RFC1: variants seen among roughly 807,000 people sequenced by gnomAD.
The protein encoded by RFC1 is A1 140 kDa subunit.
Under a neutral mutation model 137.4 loss-of-function variants are expected in RFC1, and 37 were observed. The ratio of observed to expected loss-of-function variants is 0.27; its 90% confidence interval spans 0.21 to 0.35. RFC1 has a LOEUF of 0.35. RFC1 is among the 10% of genes least tolerant of loss of function. The pLI, the probability that RFC1 is intolerant of heterozygous loss-of-function variation, is 1.00. For missense variants in RFC1, 1,205 were observed against 1,358.5 expected, an observed-to-expected ratio of 0.89 and a Z score of 1.78; for synonymous variants, 429 against 455.7, an observed-to-expected ratio of 0.94 and a Z score of 0.75.
At chr4:39,339,458 C>T (rs534602212) in intron 4 of RFC1, among the ~76,000 whole-genome samples, 3 of 152,234 alleles carry the variant, frequency 2.0e-5, no homozygotes, top group African/African-American at 7.2e-5. Context: ...GGTGTTATCG[C>T]ACACTGGTTT....
intron 5 of RFC1, 128 bp from the exon 6 acceptor site, chr4:39,326,768 T>A: frequency 1.5e-6 from 1 of 670,108 alleles, no homozygotes; most frequent in Admixed American, 2.6e-5. Context: ...ACAGCTGCAA[T>A]GTACACCAGC....
At chr4:39,366,173 C>T (rs927660701) in intron 1 of RFC1, 66 bp downstream of exon 1, 1 of 1,521,670 alleles carries the variant, frequency 6.6e-7, no homozygotes, top group Non-Finnish European at 8.9e-7. Flanking sequence ...CAGGAGTGCC[C>T]GGTCCACACC....
chr4:39,340,207 C>G (rs1740546225), intron 4 of RFC1, among the ~76,000 whole-genome samples: 1 of 151,952 alleles, frequency 6.6e-6, no homozygotes, highest in Non-Finnish European at 1.5e-5. Flanking sequence ...CCAATAGAAC[C>G]AAAGGTTGTT....
Position 39,306,560 on chromosome 4 carries a change from T to A in RFC1, c.1995+32A>T, listed in dbSNP as rs200177437. ...TCCTAGCCATGACCACTCGAGGTTA[T>A]CTGTCCGACCACACTGTGACAACGC... On this transcript the variant is annotated intron_variant, in intron 14 of 24. Coordinates refer to ENST00000349703, the MANE Select transcript of RFC1 (RefSeq NM_002913.5). 4.9e-6 allele frequency: 6 copies of A among 1,216,958 alleles called. No individual in the cohort carries two copies. In the Admixed American group the frequency reaches 1.0e-4, roughly 21 times the overall value. The allele number at this position is 1,216,958 out of a possible 1,614,324, so 75.4% of individuals were successfully genotyped here.
chr4:39,293,355 C>A (rs950254101), intron 22 of RFC1, among the ~76,000 whole-genome samples: 11 of 152,224 alleles, frequency 7.2e-5, no homozygotes, highest in African/African-American at 2.4e-4. Context: ...TGCACCTAAA[C>A]CAAGGGTTCT....
At chr4:39,355,414 C>A (rs904321231) in intron 1 of RFC1, among the ~76,000 whole-genome samples, 1 of 150,508 alleles carries the variant, frequency 6.6e-6, no homozygotes, top group African/African-American at 2.5e-5. Context: ...GCCTGGGCAA[C>A]AGAGCAATAA....
In RFC1 at chr4:39,312,826, C is replaced by G. The variant is rs774551557; in HGVS notation, c.1309G>C (p.Val437Leu). The stretch of plus-strand genomic sequence containing the variant: ...GTTTTCTTGCTGACATTTCCTGTTA[C>G]TTTTCCCCCATAACGTTCAATTAGA... ...KSLIERYGGK[V>L]TGNVSKKTNY... The change falls in exon 11 of 25, where the codon GTA (valine) becomes CTA (leucine). Residue 437 changes from valine (V) to leucine (L), a missense_variant. Physicochemically the swap from Val to Leu is conservative, Grantham distance 32. This residue lies in a region of RFC1 where 962 missense variants were observed against 1,035.3 expected (regional missense o/e 0.93). Transcript: ENST00000349703. 2 of 1,614,010 alleles carry G rather than the reference C, an allele frequency of 1.2e-6. No individual in the cohort carries two copies. Among genetic ancestry groups the G allele is most frequent in the Non-Finnish European group, 1.7e-6 (2 of 1,180,028 alleles).
intron 1 of RFC1, among the ~76,000 whole-genome samples, chr4:39,352,513 G>C (rs1322797645): frequency 6.6e-6 from 1 of 152,228 alleles, no homozygotes; most frequent in Non-Finnish European, 1.5e-5. Context: ...ACAGACCTTA[G>C]AATCAGAAGC....
intron 1 of RFC1, 73 bp from the exon 2 acceptor site, chr4:39,351,549 G>T: frequency 1.5e-6 from 2 of 1,339,848 alleles, no homozygotes; most frequent in Non-Finnish European, 2.0e-6. Flanking sequence ...TGTAAGATGG[G>T]ACAGCTTTAT....
chr4:39,349,727 G>T (rs757647868), intron 2 of RFC1, among the ~76,000 whole-genome samples: 2 of 152,126 alleles, frequency 1.3e-5, no homozygotes, highest in African/African-American at 4.8e-5. Flanking sequence ...CTACTAGGCC[G>T]GGCACGGTGG....
intron 4 of RFC1, among the ~76,000 whole-genome samples, chr4:39,339,914 TAAAC>T (rs1053342649): frequency 4.6e-5 from 7 of 152,114 alleles, no homozygotes. Flanking sequence ...CCTAAGTAAC[TAAAC>T]AAATACAAAA....
intron 23 of RFC1, among the ~76,000 whole-genome samples, chr4:39,290,812 CA>C (rs36119185): frequency 9.2e-4 from 120 of 130,096 alleles, no homozygotes; most frequent in Admixed American, 1.5e-3. Context: ...TAGACTGTCT[CA>C]AAAAAAAAAA....
chr4:39,365,077 A>T (rs1200156238), intron 1 of RFC1, among the ~76,000 whole-genome samples: 1 of 142,424 alleles, frequency 7.0e-6, no homozygotes, highest in African/African-American at 2.6e-5. Context: ...ACCACCTACT[A>T]GTTATATGAT....
chr4:39,332,021 A>G (rs1740129081), intron 4 of RFC1, among the ~76,000 whole-genome samples: 1 of 152,200 alleles, frequency 6.6e-6, no homozygotes, highest in African/African-American at 2.4e-5. Context: ...TGATGGTTCT[A>G]TAAAGGGCAG....
At chr4:39,333,882 CCAA>C (rs1740229211) in intron 4 of RFC1, among the ~76,000 whole-genome samples, 2 of 152,000 alleles carry the variant, frequency 1.3e-5, no homozygotes, top group Non-Finnish European at 2.9e-5. Flanking sequence ...ACATGGCTCT[CCAA>C]AGAAAAAATA....
In RFC1 at chr4:39,302,552, G is replaced by T. The variant is rs144320551; in HGVS notation, c.2384C>A (p.Pro795His). 5 of 1,611,618 alleles carry T rather than the reference G, an allele frequency of 3.1e-6. No homozygotes were observed. The Admixed American group carries it at 6.7e-5, about 22-fold the overall frequency. Residue 795 changes from proline (P) to histidine (H), a missense_variant, in exon 18 of 25, where the codon CCC becomes CAC. Pro to His is a moderately conservative substitution (Grantham distance 77). Around this residue, in one of 3 missense-constraint regions of RFC1, gnomAD observed 962 missense variants for 1,035.3 expected, o/e 0.93. Transcript: ENST00000349703. ...AATTATTTCATTCATAGCTGGAGGGGGAATCTTTAAACCTTCTTTAAATGC... is the reference window on the plus strand; with the variant it reads ...AATTATTTCATTCATAGCTGGAGGGTGAATCTTTAAACCTTCTTTAAATGC... Reference protein sequence around the residue: ...SIAFKEGLKIPPPAMNEIILG... With the variant: ...SIAFKEGLKIHPPAMNEIILG...
At chr4:39,321,553 T>C (rs1052417842) in intron 7 of RFC1, 179 bp from the exon 8 acceptor site, 49 of 559,594 alleles carry the variant, frequency 8.8e-5, no homozygotes, top group Non-Finnish European at 1.5e-4. Flanking sequence ...TTTTATTACT[T>C]CATGTTACAA....
At chr4:39,349,482 C>G (rs1741074405) in intron 2 of RFC1, among the ~76,000 whole-genome samples, 1 of 152,112 alleles carries the variant, frequency 6.6e-6, no homozygotes, top group South Asian at 2.1e-4. Flanking sequence ...CTCTCTCCAC[C>G]CATATGCACT....
In RFC1 at chr4:39,288,210, C is replaced by A. The variant is rs1737476333; in HGVS notation, c.*551G>T. ...ATGACAATCTTAAAAAGAATTTGTA[C>A]ACATATCATGTGGAACATTTTTATT... On this transcript the variant is annotated 3_prime_UTR_variant, in exon 25 of 25. Transcript: ENST00000349703. 2.0e-5 allele frequency: 3 copies of A among 152,090 alleles called. No individual in the cohort carries two copies. In the South Asian group the frequency reaches 6.2e-4, roughly 32 times the overall value. 9.4% of individuals were successfully genotyped at this position (152,090 alleles called of 1,614,324 possible).
Sources: gnomAD v4.1 joint callset for allele counts (sites outside exome capture counted in the v4.1 genomes callset) on GRCh38, gnomAD v4.1.1 for gene constraint, gnomAD v4.1.1 regional missense constraint, MANE v1.5 for transcripts, NCBI Gene and HGNC (gene_info 2026-07-23, HGNC 2026-07-21) for gene names.